EVC: variants seen among roughly 807,000 people sequenced by gnomAD.
EVC encodes EvC ciliary complex subunit 1.
Under a neutral mutation model 118.9 loss-of-function variants are expected in EVC, and 116 were observed. The ratio of observed to expected loss-of-function variants is 0.98; its 90% CI spans 0.84 to 1.14. EVC has a LOEUF of 1.14. Among genes scored for constraint, EVC ranks in the 50% most tolerant of loss-of-function variants. The pLI is 0.00. For synonymous variants in EVC, 619 were observed against 534.7 expected (o/e 1.16, Z -2.18); for missense variants, 1,401 against 1,246.4 (o/e 1.12, Z -1.87).
rs1224238942 is a variant in EVC at position 5,742,700 on chromosome 4, C to G, written c.801+886C>G. Among the ~76,000 whole-genome samples the G allele has an allele frequency of 1.3e-5, 2 of 152,164 alleles. No individual in the cohort carries two copies. Among genetic ancestry groups the G allele is most frequent in the African/African-American group, 2.4e-5 (1 of 41,440 alleles). On this transcript the variant is annotated intron_variant, in intron 6 of 20. Transcript: ENST00000264956. This position sits in a 1 kb window ranked among gnomAD's most constrained non-coding sequence, Gnocchi z 5.2. ...GTTGTAATTATTGGCATTCTCATTA[C>G]TACCATCACCGCCATCATCATCTTC...
intron 11 of EVC, among the ~76,000 whole-genome samples, chr4:5,783,329 C>T (rs960967803): frequency 6.8e-6 from 1 of 148,046 alleles, no homozygotes; most frequent in Non-Finnish European, 1.5e-5. Context: ...AGTGTGTGTG[C>T]ATGTGGGGGA....
Position 5,718,622 on chromosome 4 carries a change from A to G in EVC, c.175-626A>G, listed in dbSNP as rs142397339. On this transcript the variant is annotated intron_variant, in intron 1 of 20. Transcript: ENST00000264956. ...TGTTCCATCTCAACTGAGCACGTGC[A>G]TGCTGGGCAACTCAGATTGTTCATG... is the stretch of plus-strand genomic sequence containing the variant. Among the ~76,000 whole-genome samples the G allele has an allele frequency of 5.3e-3, 810 of 152,352 alleles. 13 individuals are homozygous for G. The highest frequency in any genetic ancestry group is 0.017 in the African/African-American group (705 of 41,592).
intron 2 of EVC, among the ~76,000 whole-genome samples, chr4:5,724,233 G>A (rs1725436993): frequency 6.6e-6 from 1 of 152,224 alleles, no homozygotes; most frequent in African/African-American, 2.4e-5. Flanking sequence ...GGAAGTGATT[G>A]CAGCCCTTCA....
rs1724478352 is a variant in EVC, at chr4:5,719,063, G to A, written c.175-185G>A. On this transcript the variant is annotated intron_variant, in intron 1 of 20. Transcript: ENST00000264956. The surrounding 1 kb of genome is among the most constrained non-coding windows in gnomAD (Gnocchi z 4.7). ...TGACCTGTGCAGTCTTGAAGGACATGTAGCGGACCCCACGTGGGGTGGGAG... is the reference window on the plus strand; with the variant it reads ...TGACCTGTGCAGTCTTGAAGGACATATAGCGGACCCCACGTGGGGTGGGAG... Among the ~76,000 whole-genome samples the A allele has an allele frequency of 2.6e-5, 4 of 152,284 alleles. No homozygotes were observed. In the South Asian group the frequency reaches 6.2e-4, roughly 24 times the overall value.
In EVC at chr4:5,733,379, C is replaced by G. The variant is rs373002232; in HGVS notation, c.646C>G (p.Leu216Val). ...AGACGTTGACCTGTGTATCTACAGC[C>G]TTCACTTAAAAGACCTGCTGCATTT... is the stretch of plus-strand genomic sequence containing the variant. ...SVDVDLCIYS[L>V]HLKDLLHLDT... The change falls in exon 5 of 21, where the codon CTT (leucine) becomes GTT (valine). Residue 216 changes from leucine (L) to valine (V), a missense_variant. Transcript: ENST00000264956. 5 of 1,613,926 alleles carry G rather than the reference C, an allele frequency of 3.1e-6. No individual in the cohort carries two copies. In the African/African-American group the frequency reaches 6.7e-5, roughly 22 times the overall value.
intron 11 of EVC, among the ~76,000 whole-genome samples, chr4:5,766,174 G>A (rs1163691883): frequency 6.7e-6 from 1 of 150,350 alleles, no homozygotes; most frequent in East Asian, 2.0e-4. Flanking sequence ...GCATAGTTTG[G>A]CTGGATATGA....
intron 11 of EVC, among the ~76,000 whole-genome samples, chr4:5,780,595 T>TG (rs1357232793): frequency 1.3e-5 from 2 of 152,252 alleles, no homozygotes; most frequent in Non-Finnish European, 2.9e-5. Context: ...TGTCATTTTC[T>TG]GGGGACTCTG....
chr4:5,827,245 G>T, the EVC span, among the ~76,000 whole-genome samples: 1 of 152,196 alleles, frequency 6.6e-6, no homozygotes. Flanking sequence ...CCAGCCAAGG[G>T]GTGTGTCTGC....
downstream of EVC, among the ~76,000 whole-genome samples, chr4:5,818,862 AAGAC>A (rs1449583372): frequency 3.9e-5 from 6 of 152,192 alleles, no homozygotes; most frequent in South Asian, 2.1e-4. Context: ...CAAATGGACT[AAGAC>A]AGAAAATCGG....
At chr4:5,748,671 TCCATCCATCCACCCAC>T (rs373845818) in intron 8 of EVC, among the ~76,000 whole-genome samples, 8,824 of 107,898 alleles carry the variant, frequency 0.082, 1,010 homozygotes, top group African/African-American at 0.19. Context: ...CATCCCTCCA[TCCATCCATCCACCCAC>T]CCATCCATCC....
At chr4:5,807,226 T>G (rs1482863946) in intron 17 of EVC, among the ~76,000 whole-genome samples, 2 of 152,166 alleles carry the variant, frequency 1.3e-5, no homozygotes, top group Non-Finnish European at 2.9e-5. Context: ...AGAGATACTT[T>G]AATGAAGGAA....
chr4:5,801,044 A>G (rs907871993), intron 15 of EVC, among the ~76,000 whole-genome samples: 1 of 152,246 alleles, frequency 6.6e-6, no homozygotes, highest in Admixed American at 6.5e-5. Flanking sequence ...CAACCAGCAC[A>G]TCCCCAATGA....
At chr4:5,764,279 T>G (rs1370959531) in intron 11 of EVC, among the ~76,000 whole-genome samples, 1 of 140,742 alleles carries the variant, frequency 7.1e-6, no homozygotes, top group Non-Finnish European at 1.5e-5. Context: ...ATAAGCTTTT[T>G]GATGTGCTGC....
chr4:5,773,692 T>C (rs1302769654), intron 11 of EVC, among the ~76,000 whole-genome samples: 1 of 152,074 alleles, frequency 6.6e-6, no homozygotes, highest in Non-Finnish European at 1.5e-5. Flanking sequence ...CCTTCCTTTT[T>C]TAAGGGAGTT....
At chr4:5,825,648 C>T in the EVC span, 6 of 1,612,062 alleles carry the variant, frequency 3.7e-6, no homozygotes, top group African/African-American at 1.3e-5. This position sits in a 1 kb window ranked among gnomAD's most constrained non-coding sequence, Gnocchi z 4.4. Flanking sequence ...AAACCCCTTG[C>T]AATCCAAAAA....
At chr4:5,819,151 A>T (rs538370038), downstream of EVC, among the ~76,000 whole-genome samples, 115 of 152,342 alleles carry the variant, frequency 7.5e-4, 1 homozygote, top group African/African-American at 2.7e-3. Context: ...TTATTGAGAG[A>T]TGGCTCAGAG....
intron 12 of EVC, among the ~76,000 whole-genome samples, chr4:5,787,454 C>T (rs866358928): frequency 6.6e-6 from 1 of 152,196 alleles, no homozygotes; most frequent in Non-Finnish European, 1.5e-5. Context: ...GTGAGGAAGA[C>T]TCTGCAGCCA....
chr4:5,761,278 T>A (rs1185657894), intron 11 of EVC, among the ~76,000 whole-genome samples: 1 of 152,006 alleles, frequency 6.6e-6, no homozygotes, highest in African/African-American at 2.4e-5. Flanking sequence ...TCTCAGGAGA[T>A]GTTGAGCCCA....
At chr4:5,795,762 G>A (rs938184269) in intron 13 of EVC, among the ~76,000 whole-genome samples, 1 of 152,192 alleles carries the variant, frequency 6.6e-6, no homozygotes, top group African/African-American at 2.4e-5. Flanking sequence ...AATTTGTCTC[G>A]CCTGAAAACC....
Sources: allele counts gnomAD v4.1 joint callset (sites outside exome capture counted in the v4.1 genomes callset), GRCh38; gene constraint gnomAD v4.1.1; non-coding constraint Gnocchi (gnomAD v3.1); transcripts MANE v1.5; gene names NCBI Gene and HGNC (gene_info 2026-07-23, HGNC 2026-07-21).